MAGI1: variants seen among roughly 807,000 people sequenced by gnomAD.
The protein encoded by MAGI1 is membrane-associated guanylate kinase, WW and PDZ domain-containing protein 1.
A neutral mutation model predicts 139.9 loss-of-function variants in MAGI1; 58 were observed. That is an observed-to-expected ratio of 0.41 (90% CI 0.34 to 0.52). The LOEUF (loss-of-function observed/expected upper bound fraction) is 0.52, where lower values mean the gene tolerates loss of function less well. Among genes scored for constraint, MAGI1 ranks in the 20% least tolerant of loss-of-function variants. The pLI is 0.12. For missense variants in MAGI1, 1,874 were observed against 1,901.6 expected (o/e 0.99, Z 0.27); for synonymous variants, 812 against 737.9 (o/e 1.10, Z -1.63).
intron 15 of MAGI1, among the ~76,000 whole-genome samples, chr3:65,382,355 A>G (rs6778342): frequency 0.97 from 147,989 of 152,272 alleles, 72,058 homozygotes; most frequent in East Asian, 1. Flanking sequence ...TCCCTTCATT[A>G]TATACCCTAT....
chr3:65,914,639 C>CCAT (rs2061815804), intron 1 of MAGI1, among the ~76,000 whole-genome samples: 1 of 152,164 alleles, frequency 6.6e-6, no homozygotes, highest in Admixed American at 6.5e-5. Context: ...GGGAAGGCCA[C>CCAT]CATCCTTAAG....
At chr3:65,666,244 T>C (rs1004262246) in intron 1 of MAGI1, among the ~76,000 whole-genome samples, 7 of 152,214 alleles carry the variant, frequency 4.6e-5, no homozygotes, top group Admixed American at 1.3e-4. Context: ...AATGTACTAT[T>C]ATCTTAGTAG....
At chr3:65,887,979 T>C (rs141043899) in intron 1 of MAGI1, among the ~76,000 whole-genome samples, 74 of 152,294 alleles carry the variant, frequency 4.9e-4, no homozygotes, top group Middle Eastern at 3.4e-3. Context: ...GACTGTATCA[T>C]TCAAGTTGAT....
chr3:65,624,232 C>T (rs948962017), intron 1 of MAGI1, among the ~76,000 whole-genome samples: 11 of 152,008 alleles, frequency 7.2e-5, no homozygotes, highest in African/African-American at 2.7e-4. Flanking sequence ...GAAAGTCATA[C>T]CTTCAATAGC....
At chr3:65,899,101 AGAGAC>A in intron 1 of MAGI1, among the ~76,000 whole-genome samples, 1 of 151,950 alleles carries the variant, frequency 6.6e-6, no homozygotes, top group African/African-American at 2.4e-5. Flanking sequence ...ATTTTTTTGT[AGAGAC>A]GGGTTTCGCC....
intron 1 of MAGI1, among the ~76,000 whole-genome samples, chr3:65,740,573 T>C (rs2035176493): frequency 6.6e-6 from 1 of 152,208 alleles, no homozygotes; most frequent in Non-Finnish European, 1.5e-5. Flanking sequence ...TTTTCACATT[T>C]ACTGTTAAGG....
intron 1 of MAGI1, among the ~76,000 whole-genome samples, chr3:65,829,902 G>T (rs546582440): frequency 6.6e-6 from 1 of 152,190 alleles, no homozygotes; most frequent in Non-Finnish European, 1.5e-5. Context: ...TACATAAACA[G>T]TTGTGCTTTC....
chr3:65,972,854 A>C (rs1358348906), intron 1 of MAGI1, among the ~76,000 whole-genome samples: 2 of 152,208 alleles, frequency 1.3e-5, no homozygotes, highest in Non-Finnish European at 2.9e-5. Flanking sequence ...AGTTCCAGCA[A>C]GTTGATGAAA....
chr3:65,841,563 G>A (rs187223034), intron 1 of MAGI1, among the ~76,000 whole-genome samples: 49 of 151,914 alleles, frequency 3.2e-4, no homozygotes, highest in Admixed American at 2.4e-3. Flanking sequence ...AAGTAGCTGG[G>A]ATTACAGGTG....
chr3:65,825,706 T>G (rs1391036608), intron 1 of MAGI1, among the ~76,000 whole-genome samples: 4 of 152,196 alleles, frequency 2.6e-5, no homozygotes, highest in Non-Finnish European at 5.9e-5. Context: ...TAGATAATTT[T>G]CAGCCAGGCG....
chr3:65,728,429 G>C (rs1348877286), intron 1 of MAGI1, among the ~76,000 whole-genome samples: 1 of 152,204 alleles, frequency 6.6e-6, no homozygotes, highest in African/African-American at 2.4e-5. Flanking sequence ...TTTTCAGCAG[G>C]AAAGTGCTAT....
intron 2 of MAGI1, among the ~76,000 whole-genome samples, chr3:65,591,168 T>A (rs568001609): frequency 1.3e-5 from 2 of 152,266 alleles, no homozygotes; most frequent in Admixed American, 1.3e-4. Context: ...AACCACTGAC[T>A]TCTTGAGAGT....
intron 2 of MAGI1, among the ~76,000 whole-genome samples, chr3:65,600,725 T>A (rs911602874): frequency 6.6e-6 from 1 of 152,260 alleles, no homozygotes; most frequent in Non-Finnish European, 1.5e-5. Flanking sequence ...ACTTCTTTAC[T>A]GGCAATTTTT....
Position 65,483,964 on chromosome 3 carries a change from T to C in MAGI1, c.551-5166A>G, listed in dbSNP as rs183037037. Among the ~76,000 whole-genome samples the C allele has an allele frequency of 3.7e-3, 559 of 152,356 alleles. 13 individuals are homozygous for C. The highest frequency in any genetic ancestry group is 6.6e-4 in the Non-Finnish European group (45 of 68,036). On this transcript the variant is annotated intron_variant, in intron 3 of 22. Coordinates refer to ENST00000402939, the MANE Select transcript of MAGI1 (RefSeq NM_001033057.2). ...AATTTAAGCTAGGATGAATCAAATC[T>C]ATATGGCTTTCAAATTATACAAATT...
At chr3:65,745,148 T>G (rs960678400) in intron 1 of MAGI1, among the ~76,000 whole-genome samples, 1 of 152,160 alleles carries the variant, frequency 6.6e-6, no homozygotes, top group Non-Finnish European at 1.5e-5. Flanking sequence ...TTTCGCATAT[T>G]AAATTATTTT....
chr3:65,766,407 G>C (rs370240775), intron 1 of MAGI1, among the ~76,000 whole-genome samples: 1 of 152,020 alleles, frequency 6.6e-6, no homozygotes, highest in South Asian at 2.1e-4. Context: ...TTTCCAAAGA[G>C]GATGTGGATA....
At chr3:65,806,298 G>A (rs2040849765) in intron 1 of MAGI1, among the ~76,000 whole-genome samples, 1 of 151,738 alleles carries the variant, frequency 6.6e-6, no homozygotes, top group South Asian at 2.1e-4. Context: ...GCATGGTAGT[G>A]TGCGCCTGTG....
In MAGI1 at chr3:65,530,662, T is replaced by C. The variant is rs1219105751; in HGVS notation, c.431-37031A>G. On this transcript the variant is annotated intron_variant, in intron 2 of 22. Transcript: ENST00000402939. ...GTGTGTGTGTGTGTGTGTGTGTGTGTATATATATATACATATATATATACG... is the reference window on the plus strand; with the variant it reads ...GTGTGTGTGTGTGTGTGTGTGTGTGCATATATATATACATATATATATACG... 4.0e-4 allele frequency among the ~76,000 whole-genome samples: 50 copies of C among 126,570 alleles called. 2 individuals are homozygous for C. Among genetic ancestry groups the C allele is most frequent in the African/African-American group, 1.6e-3 (49 of 30,152 alleles). 83.0% of individuals were successfully genotyped at this position (126,570 alleles called of 152,430 possible). A position where few individuals can be genotyped will look rare whatever the true frequency, so the allele number is the denominator to read the frequency against.
chr3:65,738,528 C>A (rs1165249002), intron 1 of MAGI1, among the ~76,000 whole-genome samples: 2 of 152,192 alleles, frequency 1.3e-5, no homozygotes, highest in African/African-American at 4.8e-5. Context: ...AGAAGATTTT[C>A]AACTTACTTT....
Sources: gnomAD v4.1 joint callset for allele counts (sites outside exome capture counted in the v4.1 genomes callset) on GRCh38, gnomAD v4.1.1 for gene constraint, MANE v1.5 for transcripts, NCBI Gene and HGNC (gene_info 2026-07-23, HGNC 2026-07-21) for gene names.